Variants in MTF2 observed in about 807,000 individuals in gnomAD.
MTF2 encodes metal response element binding transcription factor 2, also known as metal-response element-binding transcription factor 2.
Under a neutral mutation model 79.5 loss-of-function variants are expected in MTF2, and 11 were observed. The ratio of observed to expected loss-of-function variants is 0.14; its 90% CI spans 0.09 to 0.23. The LOEUF (loss-of-function observed/expected upper bound fraction) is 0.23, where lower values mean the gene tolerates loss of function less well. MTF2 is among the 10% of genes least tolerant of loss of function. MTF2 has a pLI of 1.00. For missense variants in MTF2, 486 were observed against 711.2 expected (o/e 0.68, Z 3.60); for synonymous variants, 208 against 232.8 (o/e 0.89, Z 0.97).
chr1:93,107,478 G>A (rs979786686), intron 1 of MTF2, among the ~76,000 whole-genome samples: 1 of 151,906 alleles, frequency 6.6e-6, no homozygotes, highest in South Asian at 2.1e-4. Flanking sequence ...CACCTGCCTC[G>A]GCCTTCCAAA....
chr1:93,129,558 ATTTTTTTT>A lies in MTF2; in HGVS notation c.1160+123_1160+130del, dbSNP rs200494793. Reference sequence around the variant, plus strand: ...GAAAGTACAAGTGGCAGTTACTCTGATTTTTTTTTTTTTTTTTTTTGGTCTATCATATC... The same window carrying A: ...GAAAGTACAAGTGGCAGTTACTCTGATTTTTTTTTTTTGGTCTATCATATC... On this transcript the variant is annotated intron_variant, in intron 11 of 14. Coordinates refer to ENST00000370298, the MANE Select transcript of MTF2 (RefSeq NM_007358.4). 1.4e-4 allele frequency: 64 copies of A among 448,072 alleles called. 1 individual carries two copies. The highest frequency in any genetic ancestry group is 1.2e-3 in the African/African-American group (51 of 41,846). 27.8% of individuals were successfully genotyped at this position (448,072 alleles called of 1,614,324 possible). A position where few individuals can be genotyped will look rare whatever the true frequency, so the allele number is the denominator to read the frequency against.
rs551826628 is a variant in MTF2 at position 93,097,579 on chromosome 1, C to T, written c.6-12651C>T. ...GGATGTTTTAAAATTCCAATTTCTT[C>T]GTGGCCTGATTTCAGGTTTTTCCTT... On this transcript the variant is annotated intron_variant, in intron 1 of 14. Transcript: ENST00000370298. Among the ~76,000 whole-genome samples the T allele has an allele frequency of 1.8e-4, 27 of 152,122 alleles. No individual in the cohort carries two copies. In the South Asian group the frequency reaches 4.6e-3, roughly 26 times the overall value.
At chr1:93,099,000 A>G (rs1490871863) in intron 1 of MTF2, among the ~76,000 whole-genome samples, 1 of 152,166 alleles carries the variant, frequency 6.6e-6, no homozygotes, top group Non-Finnish European at 1.5e-5. Context: ...ATGTTTGTCT[A>G]TATTGTAAAC....
chr1:93,099,308 T>C (rs189142391), intron 1 of MTF2, among the ~76,000 whole-genome samples: 1 of 152,148 alleles, frequency 6.6e-6, no homozygotes, highest in Non-Finnish European at 1.5e-5. Flanking sequence ...GAGTCTAAAA[T>C]AAACAGAAAA....
At chr1:93,106,112 A>C (rs1655772348) in intron 1 of MTF2, among the ~76,000 whole-genome samples, 1 of 152,174 alleles carries the variant, frequency 6.6e-6, no homozygotes, top group Non-Finnish European at 1.5e-5. Flanking sequence ...GGTAACTATA[A>C]TTAGGTTAGG....
chr1:93,136,591 C>T, intron 14 of MTF2, 79 bp from the exon 15 acceptor site: 1 of 1,167,314 alleles, frequency 8.6e-7, no homozygotes, highest in South Asian at 1.5e-5. Flanking sequence ...GTAGAGTAAT[C>T]CAGAAAAGAG....
In MTF2 at chr1:93,117,569, C is replaced by T. The variant is rs538815725; in HGVS notation, c.633-776C>T. ...ATAATGTTAAGCAGGTTTATTAAAT[C>T]GTTATATTCTTTTTATTATAGCTGA... On this transcript the variant is annotated intron_variant, in intron 6 of 14. Transcript: ENST00000370298. 3.9e-4 allele frequency among the ~76,000 whole-genome samples: 59 copies of T among 152,180 alleles called. 1 individual carries two copies. The highest frequency in any genetic ancestry group is 2.0e-3 in the Admixed American group (30 of 15,286).
At chr1:93,108,583 G>T (rs2101054305) in intron 1 of MTF2, among the ~76,000 whole-genome samples, 1 of 142,330 alleles carries the variant, frequency 7.0e-6, no homozygotes, top group African/African-American at 2.6e-5. Context: ...GTGATATATT[G>T]TGTTTCTCTT....
At chr1:93,083,246 A>C (rs1161867498) in intron 1 of MTF2, among the ~76,000 whole-genome samples, 1 of 152,046 alleles carries the variant, frequency 6.6e-6, no homozygotes, top group African/African-American at 2.4e-5. Context: ...CAGGGGGGAA[A>C]ATCTGCCTGC....
In MTF2 at chr1:93,137,143, T is replaced by G; in HGVS notation, c.*116T>G. 4.8e-6 allele frequency: 4 copies of G among 835,774 alleles called. No homozygotes were observed. The highest frequency in any genetic ancestry group is 1.9e-5 in the South Asian group (1 of 51,566). 51.8% of individuals were successfully genotyped at this position (835,774 alleles called of 1,614,324 possible). A position where few individuals can be genotyped will look rare whatever the true frequency, so the allele number is the denominator to read the frequency against. ...TAAAAAAAAAAAAAAGTCAAAAAAA[T>G]TCAAAAAAGGGGATGATACTAGCCT... is the stretch of plus-strand genomic sequence containing the variant. On this transcript the variant is annotated 3_prime_UTR_variant, in exon 15 of 15. Coordinates refer to ENST00000370298, the MANE Select transcript of MTF2 (RefSeq NM_007358.4).
chr1:93,135,055 C>T (rs1486699138), intron 14 of MTF2, among the ~76,000 whole-genome samples: 2 of 152,084 alleles, frequency 1.3e-5, no homozygotes, highest in South Asian at 2.1e-4. Context: ...CTGCAACCTC[C>T]GCCTCCTGGA....
At chr1:93,110,748 G>A (rs1284706890) in intron 3 of MTF2, 122 bp downstream of exon 3, 4 of 762,902 alleles carry the variant, frequency 5.2e-6, no homozygotes, top group Non-Finnish European at 8.6e-6. Context: ...TACTTCCTAG[G>A]AGAGGTTAAA....
intron 11 of MTF2, 41 bp downstream of exon 11, chr1:93,129,489 T>C (rs756091206): frequency 7.1e-7 from 1 of 1,413,240 alleles, no homozygotes; most frequent in Non-Finnish European, 9.5e-7. Context: ...CTTTAGCTTA[T>C]TTGTAACTAA....
intron 5 of MTF2, 48 bp downstream of exon 5, chr1:93,115,136 CATT>C: frequency 7.5e-7 from 1 of 1,330,158 alleles, no homozygotes; most frequent in Non-Finnish European, 1.1e-6. Flanking sequence ...ATTTGTAAGA[CATT>C]ATCAACATAA....
At chr1:93,132,926 T>C (rs1254880634) in intron 11 of MTF2, among the ~76,000 whole-genome samples, 2 of 152,138 alleles carry the variant, frequency 1.3e-5, no homozygotes, top group Non-Finnish European at 2.9e-5. Flanking sequence ...TTATCTAATA[T>C]CATCTTTATA....
chr1:93,134,554 T>A, intron 14 of MTF2: 1 of 184,044 alleles, frequency 5.4e-6, no homozygotes, highest in African/African-American at 2.4e-5. Context: ...AGACAGATTC[T>A]CACTCTGTTG....
chr1:93,129,115 G>T, intron 10 of MTF2, 163 bp from the exon 11 acceptor site: 1 of 443,688 alleles, frequency 2.3e-6, no homozygotes, highest in Non-Finnish European at 4.0e-6. Flanking sequence ...CTGTAGACTG[G>T]CTCTGGGGCA....
chr1:93,085,026 G>A (rs1025303058), intron 1 of MTF2, among the ~76,000 whole-genome samples: 1 of 152,102 alleles, frequency 6.6e-6, no homozygotes. Flanking sequence ...TCTCAGTTCT[G>A]AGGATTTTTT....
At chr1:93,120,301 GAAAAAAAAAA>G (rs11414632) in intron 8 of MTF2, 3 of 107,896 alleles carry the variant, frequency 2.8e-5, no homozygotes, top group Non-Finnish European at 3.7e-5. Context: ...CTGTCTCCAA[GAAAAAAAAAA>G]AAAAAAAAAA....
Sources: gnomAD v4.1 joint callset for allele counts (sites outside exome capture counted in the v4.1 genomes callset) on GRCh38, gnomAD v4.1.1 for gene constraint, MANE v1.5 for transcripts, NCBI Gene and HGNC (gene_info 2026-07-23, HGNC 2026-07-21) for gene names.